The following SFRP5 variants were observed in gnomAD, a reference collection of about 807,000 sequenced individuals.
SFRP5 encodes the protein secreted frizzled-related protein 5.
In SFRP5, 22 loss-of-function variants were observed where a neutral mutation model predicts 27.0. The ratio of observed to expected loss-of-function variants is 0.82; its 90% confidence interval spans 0.58 to 1.17. The LOEUF (loss-of-function observed/expected upper bound fraction) is 1.17. SFRP5 is among the 50% of genes most tolerant of loss of function. SFRP5 has a pLI of 0.00. For missense variants in SFRP5, 406 were observed against 436.6 expected, an observed-to-expected ratio of 0.93 and a Z score of 0.63; for synonymous variants, 171 against 195.0, an observed-to-expected ratio of 0.88 and a Z score of 1.03.
At position 97,771,810 on chromosome 10, in the gene SFRP5, C is replaced by G. The variant is rs753591291; in HGVS notation, c.24G>C (p.Gly8=). MRAAAAG[G]GVRTAALALL... The stretch of plus-strand genomic sequence containing the variant: ...GCGCCAGCGCGGCCGTCCGCACGCC[C>G]CCCCCCGCCGCCGCCGCCCGCATGG... The change falls in exon 1 of 3, where the codon GGG becomes GGC. Residue 8 remains glycine, a synonymous_variant. Transcript: ENST00000266066. The surrounding 1 kb of genome is among the most constrained non-coding windows in gnomAD (Gnocchi z 5.2). 1.5e-5 allele frequency: 17 copies of G among 1,131,840 alleles called. No homozygotes were observed. In the East Asian group the frequency reaches 3.3e-4, roughly 22 times the overall value. The allele number at this position is 1,131,840 out of a possible 1,614,324, so 70.1% of individuals were successfully genotyped here. A position where few individuals can be genotyped will look rare whatever the true frequency, so the allele number is the denominator to read the frequency against.
chr10:97,769,868 C>G, intron 1 of SFRP5, 123 bp from the exon 2 acceptor site: 1 of 688,982 alleles, frequency 1.5e-6, no homozygotes, highest in Non-Finnish European at 2.7e-6. Flanking sequence ...CCTCTACTTC[C>G]TTATCAGGAG....
In SFRP5 at chr10:97,771,708, C is replaced by G; in HGVS notation, c.126G>C (p.Leu42=). The G allele has an allele frequency of 1.3e-6, 2 of 1,597,214 alleles. No homozygotes were observed. Among genetic ancestry groups the G allele is most frequent in the Non-Finnish European group, 8.5e-7 (1 of 1,179,300 alleles). ...GCGGCTTGGAGTAGGAGCGGCCGTG[C>G]AGCGGCTCGGCCTGCCAGCCATAGT... The part of the protein sequence containing the change: ...YDYYGWQAEP[L]HGRSYSKPPQ... Residue 42 remains leucine (L), a synonymous_variant, in exon 1 of 3, where the codon CTG becomes CTC. Transcript: ENST00000266066. This position sits in a 1 kb window ranked among gnomAD's most constrained non-coding sequence, Gnocchi z 5.2.
intron 1 of SFRP5, among the ~76,000 whole-genome samples, chr10:97,770,666 G>C (rs181385257): frequency 1.1e-3 from 172 of 152,346 alleles, no homozygotes; most frequent in Non-Finnish European, 2.1e-3. Context: ...CTTCTCTTCA[G>C]GGGCAGAGCC....
In SFRP5 at chr10:97,771,695, A is replaced by C. The variant is rs773478832; in HGVS notation, c.139T>G (p.Tyr47Asp). 1 of 1,598,924 alleles carries C rather than the reference A, an allele frequency of 6.3e-7. No individual in the cohort carries two copies. The highest frequency in any genetic ancestry group is 1.3e-5 in the African/African-American group (1 of 74,896). The change falls in exon 1 of 3, where the codon TAC (tyrosine) becomes GAC (aspartate). Residue 47 changes from tyrosine to aspartate, a missense_variant. Tyr to Asp is a radical substitution (Grantham distance 160, BLOSUM62 -3). Transcript: ENST00000266066. The surrounding 1 kb of genome is among the most constrained non-coding windows in gnomAD (Gnocchi z 5.2). Reference protein sequence around the residue: ...WQAEPLHGRSYSKPPQCLDIP... With the variant: ...WQAEPLHGRSDSKPPQCLDIP... ...TCAAGGCACTGCGGCGGCTTGGAGTAGGAGCGGCCGTGCAGCGGCTCGGCC... is the reference window on the plus strand; with the variant it reads ...TCAAGGCACTGCGGCGGCTTGGAGTCGGAGCGGCCGTGCAGCGGCTCGGCC...
chr10:97,769,348 A>C (rs1364646620), intron 2 of SFRP5, among the ~76,000 whole-genome samples: 1 of 152,170 alleles, frequency 6.6e-6, no homozygotes, highest in Admixed American at 6.5e-5. Context: ...AGCCTGCACT[A>C]TCCACAGAGA....
Position 97,769,763 on chromosome 10 carries a change from G to A in SFRP5, c.530-18C>T. Reference sequence around the variant, plus strand: ...CTTGGTCACTGAAGAGAGAAAGTGGGGTGGGGTTGGGGGACAGTTGGTGAG... The same window carrying A: ...CTTGGTCACTGAAGAGAGAAAGTGGAGTGGGGTTGGGGGACAGTTGGTGAG... On this transcript the variant is annotated intron_variant, in intron 1 of 2. Transcript: ENST00000266066. The A allele has an allele frequency of 6.2e-7, 1 of 1,601,514 alleles. No homozygotes were observed. Among genetic ancestry groups the A allele is most frequent in the Non-Finnish European group, 8.6e-7 (1 of 1,169,538 alleles).
chr10:97,771,539 G>A lies in SFRP5; in HGVS notation c.295C>T (p.Arg99Cys), dbSNP rs1196977982. 2 of 1,611,032 alleles carry A rather than the reference G, an allele frequency of 1.2e-6. No individual in the cohort carries two copies. The highest frequency in any genetic ancestry group is 4.5e-5 in the East Asian group (2 of 44,752). Reference protein sequence around the residue: ...ASSWLPLLAKRCHSDTQVFLC... With the variant: ...ASSWLPLLAKCCHSDTQVFLC... ...AAGACCTGCGTATCCGAGTGGCAGC[G>A]CTTGGCCAGCAGCGGCAGCCAGCTG... Residue 99 changes from arginine to cysteine, a missense_variant, in exon 1 of 3, where the codon CGC becomes TGC. Coordinates refer to ENST00000266066, the MANE Select transcript of SFRP5 (RefSeq NM_003015.3). The surrounding 1 kb of genome is among the most constrained non-coding windows in gnomAD (Gnocchi z 5.2).
In SFRP5 at chr10:97,771,180, A is replaced by C; in HGVS notation, c.529+125T>G. ...AATTCCGGGGACGCTGGGCTGAGCTAGGACAGCGTGTGTGTGTGTGTGTGG... is the reference window on the plus strand; with the variant it reads ...AATTCCGGGGACGCTGGGCTGAGCTCGGACAGCGTGTGTGTGTGTGTGTGG... On this transcript the variant is annotated intron_variant, in intron 1 of 2. Coordinates refer to ENST00000266066, the MANE Select transcript of SFRP5 (RefSeq NM_003015.3). This position sits in a 1 kb window ranked among gnomAD's most constrained non-coding sequence, Gnocchi z 5.2. 1.7e-6 allele frequency: 1 copy of C among 598,170 alleles called. No individual in the cohort carries two copies. The highest frequency in any genetic ancestry group is 2.8e-6 in the Non-Finnish European group (1 of 356,888). The allele number at this position is 598,170 out of a possible 1,614,324, so 37.1% of individuals were successfully genotyped here.
chr10:97,770,056 A>G (rs2049506582), intron 1 of SFRP5, among the ~76,000 whole-genome samples: 1 of 152,172 alleles, frequency 6.6e-6, no homozygotes, highest in African/African-American at 2.4e-5. Flanking sequence ...AGCCTATGAA[A>G]TAGGGATTCT....
chr10:97,771,189 T>C lies in SFRP5; in HGVS notation c.529+116A>G. ...GACGCTGGGCTGAGCTAGGACAGCG[T>C]GTGTGTGTGTGTGTGGGCGGAGGGG... is the stretch of plus-strand genomic sequence containing the variant. On this transcript the variant is annotated intron_variant, in intron 1 of 2. Coordinates refer to ENST00000266066, the MANE Select transcript of SFRP5 (RefSeq NM_003015.3). The surrounding 1 kb of genome is among the most constrained non-coding windows in gnomAD (Gnocchi z 5.2). 4.1e-6 allele frequency: 1 copy of C among 242,662 alleles called. No homozygotes were observed. Among genetic ancestry groups the C allele is most frequent in the Non-Finnish European group, 7.7e-6 (1 of 130,342 alleles). 15.0% of individuals were successfully genotyped at this position (242,662 alleles called of 1,614,324 possible). A position where few individuals can be genotyped will look rare whatever the true frequency, so the allele number is the denominator to read the frequency against.
rs144307831 is a variant in SFRP5, at chr10:97,767,758, C to T, written c.710G>A (p.Arg237His). The change falls in exon 3 of 3, where the codon CGC (arginine) becomes CAC (histidine). Residue 237 changes from arginine to histidine, a missense_variant. Arg to His is a conservative substitution (Grantham distance 29). Coordinates refer to ENST00000266066, the MANE Select transcript of SFRP5 (RefSeq NM_003015.3). The stretch of plus-strand genomic sequence containing the variant: ...CAGCACCAGCCGCTTGGTGTCCTTG[C>T]GCTTCAGGGGGCCCGGCTTGAGCAG... The part of the protein sequence containing the change: ...KKLLKPGPLK[R>H]KDTKRLVLHM... The T allele has an allele frequency of 1.1e-5, 17 of 1,600,600 alleles. No homozygotes were observed. The highest frequency in any genetic ancestry group is 1.7e-4 in the Middle Eastern group (1 of 6,014).
Position 97,771,540 on chromosome 10 carries a change from C to G in SFRP5, c.294G>C (p.Lys98Asn). 1 of 1,611,176 alleles carries G rather than the reference C, an allele frequency of 6.2e-7. No homozygotes were observed. The highest frequency in any genetic ancestry group is 1.1e-5 in the South Asian group (1 of 90,966). ...AGACCTGCGTATCCGAGTGGCAGCG[C>G]TTGGCCAGCAGCGGCAGCCAGCTGC... ...QASSWLPLLA[K>N]RCHSDTQVFL... The change falls in exon 1 of 3, where the codon AAG becomes AAC. Residue 98 changes from lysine to asparagine, a missense_variant. Physicochemically the swap from Lys to Asn is moderately conservative, Grantham distance 94. Transcript: ENST00000266066. This position sits in a 1 kb window ranked among gnomAD's most constrained non-coding sequence, Gnocchi z 5.2.
chr10:97,771,828 C>T lies in SFRP5; in HGVS notation c.6G>A (p.Arg2=), dbSNP rs1397130090. M[R]AAAAGGGVRT... ...GCACGCCCCCCCCCGCCGCCGCCGC[C>T]CGCATGGCTGCGCCCTCTCCAGGTG... is the stretch of plus-strand genomic sequence containing the variant. The change falls in exon 1 of 3, where the codon CGG becomes CGA. Residue 2 remains arginine (R), a synonymous_variant. Coordinates refer to ENST00000266066, the MANE Select transcript of SFRP5 (RefSeq NM_003015.3). The surrounding 1 kb of genome is among the most constrained non-coding windows in gnomAD (Gnocchi z 5.2). The T allele has an allele frequency of 2.0e-5, 23 of 1,169,822 alleles. No individual in the cohort carries two copies. Among genetic ancestry groups the T allele is most frequent in the Non-Finnish European group, 2.4e-5 (23 of 953,332 alleles). 72.5% of individuals were successfully genotyped at this position (1,169,822 alleles called of 1,614,324 possible).
Position 97,771,869 on chromosome 10 carries a change from C to A in SFRP5, c.-36G>T. 1 of 1,022,482 alleles carries A rather than the reference C, an allele frequency of 9.8e-7. No individual in the cohort carries two copies. Among genetic ancestry groups the A allele is most frequent in the Non-Finnish European group, 1.2e-6 (1 of 855,270 alleles). The allele number at this position is 1,022,482 out of a possible 1,614,324, so 63.3% of individuals were successfully genotyped here. A position where few individuals can be genotyped will look rare whatever the true frequency, so the allele number is the denominator to read the frequency against. On this transcript the variant is annotated 5_prime_UTR_variant, in exon 1 of 3. Transcript: ENST00000266066. The surrounding 1 kb of genome is among the most constrained non-coding windows in gnomAD (Gnocchi z 5.2). ...TCTCCAGGTGCGCGCCGCGCAGCCC[C>A]CCGACGCTCGGTGCCCGGCGGCCCA... is the stretch of plus-strand genomic sequence containing the variant.
Position 97,771,522 on chromosome 10 carries a change from C to T in SFRP5, c.312G>A (p.Thr104=). 1 of 1,610,208 alleles carries T rather than the reference C, an allele frequency of 6.2e-7. No individual in the cohort carries two copies. Residue 104 remains threonine (T), a synonymous_variant, in exon 1 of 3, where the codon ACG becomes ACA. Coordinates refer to ENST00000266066, the MANE Select transcript of SFRP5 (RefSeq NM_003015.3). The surrounding 1 kb of genome is among the most constrained non-coding windows in gnomAD (Gnocchi z 5.2). The part of the protein sequence containing the change: ...PLLAKRCHSD[T]QVFLCSLFAP... ...CAAAGAGCGAGCACAGGAAGACCTGCGTATCCGAGTGGCAGCGCTTGGCCA... is the reference window on the plus strand; with the variant it reads ...CAAAGAGCGAGCACAGGAAGACCTGTGTATCCGAGTGGCAGCGCTTGGCCA...
chr10:97,770,777 G>A (rs1287794801), intron 1 of SFRP5, among the ~76,000 whole-genome samples: 1 of 152,058 alleles, frequency 6.6e-6, no homozygotes, highest in African/African-American at 2.4e-5. Context: ...TACAGAAAAC[G>A]GGGACGCAGA....
chr10:97,767,462 C>A lies in SFRP5; in HGVS notation c.*52G>T. The A allele has an allele frequency of 2.1e-6, 3 of 1,413,818 alleles. No individual in the cohort carries two copies. The highest frequency in any genetic ancestry group is 2.9e-6 in the Non-Finnish European group (3 of 1,034,930). The allele number at this position is 1,413,818 out of a possible 1,614,324, so 87.6% of individuals were successfully genotyped here. ...GGCCGGGTCAGCCTGGAAGTTGGGGCGGGGCCAGAGGGCAAGCAAGGCACA... is the reference window on the plus strand; with the variant it reads ...GGCCGGGTCAGCCTGGAAGTTGGGGAGGGGCCAGAGGGCAAGCAAGGCACA... On this transcript the variant is annotated 3_prime_UTR_variant, in exon 3 of 3. Coordinates refer to ENST00000266066, the MANE Select transcript of SFRP5 (RefSeq NM_003015.3).
At chr10:97,770,694 C>A (rs1164986076) in intron 1 of SFRP5, among the ~76,000 whole-genome samples, 1 of 152,214 alleles carries the variant, frequency 6.6e-6, no homozygotes, top group Non-Finnish European at 1.5e-5. Flanking sequence ...CTCTTCCTTC[C>A]GCACTGAGCC....
At position 97,771,633 on chromosome 10, in the gene SFRP5, G is replaced by A; in HGVS notation, c.201C>T (p.Gly67=). 3 of 1,608,340 alleles carry A rather than the reference G, an allele frequency of 1.9e-6. No homozygotes were observed. The highest frequency in any genetic ancestry group is 1.7e-6 in the Non-Finnish European group (2 of 1,179,676). ...PADLPLCHTV[G]YKRMRLPNLL... is the part of the protein sequence containing the mutation. The stretch of plus-strand genomic sequence containing the variant: ...GGTTGGGCAGCCGCATGCGCTTGTA[G>A]CCCACCGTGTGGCAGAGCGGCAGGT... The change falls in exon 1 of 3, where the codon GGC becomes GGT. Residue 67 remains glycine (G), a synonymous_variant. Transcript: ENST00000266066. The surrounding 1 kb of genome is among the most constrained non-coding windows in gnomAD (Gnocchi z 5.2).
Sources: gnomAD v4.1 joint callset for allele counts (sites outside exome capture counted in the v4.1 genomes callset) on GRCh38, gnomAD v4.1.1 for gene constraint, Gnocchi (gnomAD v3.1) non-coding constraint, MANE v1.5 for transcripts, NCBI Gene and HGNC (gene_info 2026-07-23, HGNC 2026-07-21) for gene names.